Variants in ITFG1 observed in about 807,000 individuals in gnomAD.
ITFG1 encodes integrin alpha FG-GAP repeat containing 1, also known as T-cell immunomodulatory protein.
Under a neutral mutation model 81.8 loss-of-function variants are expected in ITFG1, and 34 were observed. That is an observed-to-expected ratio of 0.42 (90% confidence interval 0.32 to 0.55). The LOEUF (loss-of-function observed/expected upper bound fraction) is 0.55, where lower values mean the gene tolerates loss of function less well. Ranked by LOEUF, ITFG1 falls within the 20% of genes least tolerant of loss-of-function variation. The pLI, the probability that ITFG1 is intolerant of heterozygous loss-of-function variation, is 0.17. For missense variants in ITFG1, 672 were observed against 755.4 expected (o/e 0.89, Z 1.29); for synonymous variants, 285 against 270.6 (o/e 1.05, Z -0.52).
At chr16:47,203,250 C>CA (rs1017396355) in intron 14 of ITFG1, among the ~76,000 whole-genome samples, 5 of 152,152 alleles carry the variant, frequency 3.3e-5, no homozygotes, top group Non-Finnish European at 7.4e-5. Flanking sequence ...CACAAAAAGA[C>CA]AAATACCGTG....
chr16:47,261,845 G>A (rs1158131814), intron 10 of ITFG1, among the ~76,000 whole-genome samples: 2 of 152,082 alleles, frequency 1.3e-5, no homozygotes. Flanking sequence ...GTTAATTTTT[G>A]TATTTCTTGT....
chr16:47,400,162 C>T (rs1344225432), intron 6 of ITFG1, among the ~76,000 whole-genome samples: 1 of 152,200 alleles, frequency 6.6e-6, no homozygotes, highest in Non-Finnish European at 1.5e-5. Flanking sequence ...CATTCTTAAC[C>T]ATGAGGCTCC....
chr16:47,445,498 A>G (rs1969313817), intron 5 of ITFG1, among the ~76,000 whole-genome samples: 1 of 152,176 alleles, frequency 6.6e-6, no homozygotes. Flanking sequence ...TTTCTTTGCA[A>G]GTCTTTACTT....
At chr16:47,319,397 C>A (rs538937742) in intron 8 of ITFG1, among the ~76,000 whole-genome samples, 1 of 152,116 alleles carries the variant, frequency 6.6e-6, no homozygotes. Context: ...CATCAACTAC[C>A]GAAGCTGGAA....
chr16:47,177,878 T>C (rs1011298830), intron 14 of ITFG1, among the ~76,000 whole-genome samples: 1 of 152,226 alleles, frequency 6.6e-6, no homozygotes, highest in African/African-American at 2.4e-5. Context: ...AATTCCTATA[T>C]ATAGAGTACA....
chr16:47,325,907 T>C (rs1404401021), intron 8 of ITFG1, among the ~76,000 whole-genome samples: 1 of 152,134 alleles, frequency 6.6e-6, no homozygotes, highest in Non-Finnish European at 1.5e-5. Flanking sequence ...AAGGAGGAGC[T>C]GGTACCACTC....
intron 8 of ITFG1, among the ~76,000 whole-genome samples, chr16:47,361,955 C>T (rs944384573): frequency 6.6e-6 from 1 of 152,078 alleles, no homozygotes; most frequent in Non-Finnish European, 1.5e-5. Flanking sequence ...CTGGCTTTTT[C>T]CCTCATCTTA....
At chr16:47,393,387 C>A (rs1374082409) in intron 6 of ITFG1, among the ~76,000 whole-genome samples, 2 of 152,124 alleles carry the variant, frequency 1.3e-5, no homozygotes, top group Non-Finnish European at 2.9e-5. Context: ...GTATTGAACT[C>A]CTAGGTGTTA....
chr16:47,380,399 T>C (rs1370853664), intron 6 of ITFG1, among the ~76,000 whole-genome samples: 1 of 152,180 alleles, frequency 6.6e-6, no homozygotes, highest in Non-Finnish European at 1.5e-5. Flanking sequence ...CCCCCATTCC[T>C]ATGCTCTGCC....
At chr16:47,281,016 T>C (rs1353603040) in intron 10 of ITFG1, among the ~76,000 whole-genome samples, 1 of 152,148 alleles carries the variant, frequency 6.6e-6, no homozygotes, top group Non-Finnish European at 1.5e-5. Context: ...CAATAGAATG[T>C]ATAGCATTTT....
chr16:47,383,538 G>A (rs960808977), intron 6 of ITFG1, among the ~76,000 whole-genome samples: 11 of 152,092 alleles, frequency 7.2e-5, no homozygotes, highest in African/African-American at 2.4e-4. Flanking sequence ...CTACACAAGC[G>A]CTACTATCCA....
At chr16:47,255,854 A>T (rs1316348212) in intron 12 of ITFG1, among the ~76,000 whole-genome samples, 2 of 152,264 alleles carry the variant, frequency 1.3e-5, no homozygotes, top group Non-Finnish European at 2.9e-5. Context: ...GCATTCTGAA[A>T]TGGATGGATG....
chr16:47,432,125 C>A (rs907026916), intron 5 of ITFG1, among the ~76,000 whole-genome samples: 2 of 152,200 alleles, frequency 1.3e-5, no homozygotes, highest in Non-Finnish European at 2.9e-5. Flanking sequence ...ACCTGGCTCC[C>A]ATGAAATGTC....
At chr16:47,157,018 G>A (rs906199598) in intron 17 of ITFG1, among the ~76,000 whole-genome samples, 3 of 152,206 alleles carry the variant, frequency 2.0e-5, no homozygotes, top group South Asian at 2.1e-4. Flanking sequence ...CAAGTAGGAT[G>A]TAAGAAGGGG....
In ITFG1 at chr16:47,348,842, T is replaced by C. The variant is rs184383877; in HGVS notation, c.802+16946A>G. On this transcript the variant is annotated intron_variant, in intron 8 of 17. Transcript: ENST00000320640. ...CGGGTTACCCACAAAGGGAAGCCCA[T>C]CAGACTAACAGCGGATCTCTCAGCA... Among the ~76,000 whole-genome samples the C allele has an allele frequency of 5.7e-3, 873 of 152,308 alleles. 9 individuals are homozygous for C. The highest frequency in any genetic ancestry group is 0.02 in the African/African-American group (835 of 41,566).
chr16:47,290,781 G>A (rs1399708861), intron 10 of ITFG1, among the ~76,000 whole-genome samples: 1 of 152,062 alleles, frequency 6.6e-6, no homozygotes, highest in Non-Finnish European at 1.5e-5. Flanking sequence ...TCTTTTAAGT[G>A]GGAAATTTAA....
chr16:47,435,853 G>A (rs974549632), intron 5 of ITFG1, among the ~76,000 whole-genome samples: 14 of 151,814 alleles, frequency 9.2e-5, no homozygotes, highest in Admixed American at 7.9e-4. Flanking sequence ...CAATCTAAAC[G>A]TTTTCATCAG....
intron 8 of ITFG1, among the ~76,000 whole-genome samples, chr16:47,356,428 G>A (rs1330043875): frequency 2.0e-5 from 3 of 152,194 alleles, no homozygotes; most frequent in Non-Finnish European, 4.4e-5. Flanking sequence ...GTGATGTGAT[G>A]ATAGGCAGGG....
At chr16:47,183,273 C>A (rs1279811217) in intron 14 of ITFG1, among the ~76,000 whole-genome samples, 1 of 152,214 alleles carries the variant, frequency 6.6e-6, no homozygotes, top group African/African-American at 2.4e-5. Context: ...TGGGTGGAGC[C>A]CACCACAGCT....
Sources: gnomAD v4.1 joint callset for allele counts (sites outside exome capture counted in the v4.1 genomes callset) on GRCh38, gnomAD v4.1.1 for gene constraint, MANE v1.5 for transcripts, NCBI Gene and HGNC (gene_info 2026-07-23, HGNC 2026-07-21) for gene names.